Variants in BLTP1 observed in about 807,000 individuals in gnomAD.
BLTP1 encodes the protein fragile site-associated protein.
At chr4:122,266,990 G>A in the BLTP1 span, 1 of 1,186,990 alleles carries the variant, frequency 8.4e-7, no homozygotes, top group Non-Finnish European at 1.2e-6. Flanking sequence ...ATAATTTTGT[G>A]CAAGAATTAT....
At chr4:122,331,614 T>C in the BLTP1 span, 1 of 1,491,664 alleles carries the variant, frequency 6.7e-7, no homozygotes, top group Non-Finnish European at 8.9e-7. Context: ...CACTGAATTA[T>C]AACAAACTTC....
At chr4:122,306,643 A>G in the BLTP1 span, 1 of 955,926 alleles carries the variant, frequency 1.0e-6, no homozygotes, top group Non-Finnish European at 1.2e-6. Flanking sequence ...CCTGGCATAC[A>G]ATAAGAACGA....
the BLTP1 span, chr4:122,178,103 C>T: frequency 2.3e-6 from 2 of 867,706 alleles, no homozygotes; most frequent in Non-Finnish European, 2.8e-6. Context: ...TGAGAAACAT[C>T]TTATAGAATG....
chr4:122,338,929 A>G, the BLTP1 span, among the ~76,000 whole-genome samples: 2 of 152,218 alleles, frequency 1.3e-5, no homozygotes, highest in South Asian at 4.1e-4. Context: ...TTAAAAAGCT[A>G]GGACAATGAA....
At chr4:122,355,833 T>C in the BLTP1 span, 3 of 1,608,780 alleles carry the variant, frequency 1.9e-6, no homozygotes, top group South Asian at 3.3e-5. Flanking sequence ...CTAACAACAC[T>C]GAGAATAGCA....
chr4:122,350,444 C>T, the BLTP1 span: 1 of 955,556 alleles, frequency 1.0e-6, no homozygotes, highest in Non-Finnish European at 1.2e-6. Flanking sequence ...ATTCAATTGG[C>T]AAATATTTAT....
chr4:122,210,988 G>T, the BLTP1 span: 7 of 1,613,184 alleles, frequency 4.3e-6, no homozygotes, highest in Non-Finnish European at 5.9e-6. Context: ...CCCACCTATT[G>T]ATCCCTCAGA....
the BLTP1 span, chr4:122,257,204 A>G: frequency 1.3e-6 from 2 of 1,552,398 alleles, no homozygotes; most frequent in Non-Finnish European, 1.8e-6. Flanking sequence ...CTTAAATGGT[A>G]ACTGATATTA....
At chr4:122,317,664 C>T in the BLTP1 span, among the ~76,000 whole-genome samples, 1 of 151,424 alleles carries the variant, frequency 6.6e-6, no homozygotes, top group East Asian at 1.9e-4. Context: ...AATCAAGGAC[C>T]TTACACAACT....
chr4:122,152,441 T>A, the BLTP1 span: 2 of 985,744 alleles, frequency 2.0e-6, no homozygotes, highest in Non-Finnish European at 2.4e-6. Context: ...GCGGCGGGGC[T>A]AAAGGGTGTG....
chr4:122,192,281 G>A, the BLTP1 span: 13 of 1,613,554 alleles, frequency 8.1e-6, no homozygotes, highest in East Asian at 2.7e-4. Flanking sequence ...TGAGCAGTGA[G>A]GATTGCAAAT....
the BLTP1 span, chr4:122,197,328 T>TA: frequency 8.1e-7 from 1 of 1,237,490 alleles, no homozygotes. Context: ...TAATTATAAA[T>TA]AATAAAGTTT....
the BLTP1 span, chr4:122,331,258 T>C: frequency 6.6e-7 from 1 of 1,504,246 alleles, no homozygotes; most frequent in Non-Finnish European, 8.8e-7. Context: ...CATAACATGT[T>C]GGAAAATAGT....
the BLTP1 span, chr4:122,356,732 C>T: frequency 1.6e-5 from 26 of 1,611,608 alleles, 1 homozygote. Flanking sequence ...TTAGTATCAG[C>T]TTATCTTAAA....
chr4:122,318,391 C>CA, the BLTP1 span: 1 of 769,386 alleles, frequency 1.3e-6, no homozygotes, highest in Non-Finnish European at 2.1e-6. Flanking sequence ...TAAATCCTAA[C>CA]AACAAACTTA....
the BLTP1 span, chr4:122,312,856 A>G: frequency 1.1e-3 from 895 of 834,920 alleles, 4 homozygotes; most frequent in African/African-American, 0.015. Context: ...AGTGAATTAC[A>G]AAAGGACATT....
At chr4:122,311,216 A>T in the BLTP1 span, among the ~76,000 whole-genome samples, 1 of 152,178 alleles carries the variant, frequency 6.6e-6, no homozygotes, top group Non-Finnish European at 1.5e-5. Flanking sequence ...ACATGCATTA[A>T]AAAATGAACA....
chr4:122,289,018 T>TTCCTCA, the BLTP1 span: 2 of 1,488,636 alleles, frequency 1.3e-6, no homozygotes, highest in Non-Finnish European at 1.8e-6. Context: ...CAGTTTAGGG[T>TTCCTCA]GATTTATGTA....
At chr4:122,246,220 A>T in the BLTP1 span, 2 of 1,608,462 alleles carry the variant, frequency 1.2e-6, no homozygotes, top group East Asian at 4.5e-5. Context: ...CTAACCAAGG[A>T]CAAGCACAGA....
Sources: allele counts gnomAD v4.1 joint callset (sites outside exome capture counted in the v4.1 genomes callset), GRCh38; gene constraint gnomAD v4.1.1; transcripts MANE v1.5; gene names NCBI Gene and HGNC (gene_info 2026-07-23, HGNC 2026-07-21).